Variants in SLC49A3 observed in about 807,000 individuals in gnomAD.
SLC49A3 encodes solute carrier family 49 member A3.
Under a neutral mutation model 43.8 loss-of-function variants are expected in SLC49A3, and 50 were observed. That is an observed-to-expected ratio of 1.14 (90% CI 0.91 to 1.45). SLC49A3 has a LOEUF of 1.45. SLC49A3 is among the 40% of genes most tolerant of loss of function. The probability of loss-of-function intolerance (pLI) is 0.00; values close to 1 mark genes in which losing one functional copy is unlikely to be tolerated. For synonymous variants in SLC49A3, 413 were observed against 352.0 expected, an observed-to-expected ratio of 1.17 and a Z score of -1.94; for missense variants, 906 against 774.1, an observed-to-expected ratio of 1.17 and a Z score of -2.02.
Position 684,497 on chromosome 4 carries a change from T to C in SLC49A3, c.826A>G (p.Ser276Gly). 1.2e-6 allele frequency: 2 copies of C among 1,612,934 alleles called. No individual in the cohort carries two copies. Among genetic ancestry groups the C allele is most frequent in the Non-Finnish European group, 8.5e-7 (1 of 1,179,898 alleles). Residue 276 changes from serine (S) to glycine (G), a missense_variant, in exon 6 of 10, where the codon AGC (serine) becomes GGC (glycine). Physicochemically the swap from Ser to Gly is moderately conservative, Grantham distance 56 (BLOSUM62 0). Coordinates refer to ENST00000322224, the MANE Select transcript of SLC49A3 (RefSeq NM_032219.4). ...SALLEQILCASGHSSGFSGLC... is the reference protein window; with the variant it reads ...SALLEQILCAGGHSSGFSGLC... ...GCCAGGCTCACACTGGAGTGGCCGC[T>C]TGCACAGAGGATCTGCTCCAGGAGG... is the stretch of plus-strand genomic sequence containing the variant.
At chr4:679,108 G>C, downstream of SLC49A3, 1 of 1,265,342 alleles carries the variant, frequency 7.9e-7, no homozygotes. Flanking sequence ...CAGACGCCGC[G>C]GCCCCTCCTC....
At chr4:683,985 C>A (rs1242888267) in intron 6 of SLC49A3, among the ~76,000 whole-genome samples, 2 of 152,196 alleles carry the variant, frequency 1.3e-5, no homozygotes, top group African/African-American at 2.4e-5. Flanking sequence ...AAGAGCCTGT[C>A]TCCACAGAGG....
chr4:681,803 G>A (rs1269283674), downstream of SLC49A3: 3 of 1,242,302 alleles, frequency 2.4e-6, no homozygotes, highest in Non-Finnish European at 3.0e-6. Context: ...CCCCTCCCGC[G>A]GCGCAGAAAC....
At position 684,777 on chromosome 4, in the gene SLC49A3, G is replaced by T. The variant is rs767970312; in HGVS notation, c.665C>A (p.Pro222Gln). ...GGAGCTGGCAGCCCCGGCAGAGGGC[G>T]GGGTGGGGGGCACACTCTCCCACAG... ...ICLWESVPPT[P>Q]PSAGAASSTS... Residue 222 changes from proline (P) to glutamine (Q), a missense_variant, in exon 5 of 10, where the codon CCG (proline) becomes CAG (glutamine). Transcript: ENST00000322224. 2 of 1,612,480 alleles carry T rather than the reference G, an allele frequency of 1.2e-6. No individual in the cohort carries two copies. Among genetic ancestry groups the T allele is most frequent in the East Asian group, 4.5e-5 (2 of 44,878 alleles).
intron 1 of SLC49A3, among the ~76,000 whole-genome samples, chr4:688,383 C>T (rs1741464258): frequency 6.6e-6 from 1 of 152,174 alleles, no homozygotes; most frequent in Non-Finnish European, 1.5e-5. Context: ...CCTGACCATC[C>T]CCGTGACCTG....
downstream of SLC49A3, among the ~76,000 whole-genome samples, chr4:677,500 G>T (rs745454328): frequency 1.3e-5 from 2 of 152,332 alleles, no homozygotes; most frequent in East Asian, 3.9e-4. Context: ...GTCAGACGGG[G>T]TGGTCCCAGG....
At chr4:677,088 C>A (rs1370585533), downstream of SLC49A3, among the ~76,000 whole-genome samples, 1 of 152,228 alleles carries the variant, frequency 6.6e-6, no homozygotes, top group Non-Finnish European at 1.5e-5. Flanking sequence ...GTCACTCCCA[C>A]CACTGCCCCT....
At chr4:678,572 CTGAGT>C, downstream of SLC49A3, 1 of 1,520,766 alleles carries the variant, frequency 6.6e-7, no homozygotes. Context: ...CACCCTTCAT[CTGAGT>C]TAAGTCTCTC....
rs1740874072 is a variant in SLC49A3 at position 685,756 on chromosome 4, A to G, written c.585+79T>C. On this transcript the variant is annotated intron_variant, in intron 4 of 9. Transcript: ENST00000322224. The surrounding 1 kb of genome is among the most constrained non-coding windows in gnomAD (Gnocchi z 4.3). ...CACACACGGGCACAGGAACACGGAC[A>G]CACTTGGGATCAGGAACACACAGAC... 6.8e-7 allele frequency: 1 copy of G among 1,462,294 alleles called. No homozygotes were observed. Among genetic ancestry groups the G allele is most frequent in the Non-Finnish European group, 9.5e-7 (1 of 1,048,232 alleles). The allele number at this position is 1,462,294 out of a possible 1,614,324, so 90.6% of individuals were successfully genotyped here.
chr4:684,379 C>T (rs1740547220), intron 6 of SLC49A3, 104 bp downstream of exon 6: 7 of 1,497,816 alleles, frequency 4.7e-6, no homozygotes, highest in Middle Eastern at 1.8e-4. Context: ...TCAATGTGGC[C>T]CCCGCCAGGG....
chr4:678,384 G>A, downstream of SLC49A3: 1 of 1,414,660 alleles, frequency 7.1e-7, no homozygotes, highest in Non-Finnish European at 9.2e-7. Context: ...GGCTCCTGCT[G>A]GACGGCGATC....
chr4:678,733 T>C (rs1419413320), downstream of SLC49A3: 1 of 1,611,960 alleles, frequency 6.2e-7, no homozygotes, highest in Non-Finnish European at 8.5e-7. Context: ...CTTCTCCAAC[T>C]TTGAGCAGAC....
downstream of SLC49A3, chr4:681,140 G>C (rs1463306583): frequency 1.2e-6 from 2 of 1,604,600 alleles, no homozygotes; most frequent in Non-Finnish European, 1.7e-6. Context: ...CGGCGGAAGA[G>C]GTCTGGCCCG....
chr4:680,904 G>C, downstream of SLC49A3: 1 of 686,916 alleles, frequency 1.5e-6, no homozygotes, highest in Non-Finnish European at 2.5e-6. Flanking sequence ...CCCCATCAGC[G>C]GCTCCCCCAG....
At chr4:677,632 A>C (rs1280330048), downstream of SLC49A3, among the ~76,000 whole-genome samples, 1 of 152,204 alleles carries the variant, frequency 6.6e-6, no homozygotes, top group African/African-American at 2.4e-5. Context: ...AGCGTTGTGC[A>C]AATCTAGAAA....
rs561400044 is a variant in SLC49A3 at position 682,971 on chromosome 4, G to A, written c.1152-81C>T. Reference sequence around the variant, plus strand: ...TGCCACCTTGGGAAATGTTGACATCGGTGCTGTCCCTTGTGCCACCACCCT... The same window carrying A: ...TGCCACCTTGGGAAATGTTGACATCAGTGCTGTCCCTTGTGCCACCACCCT... On this transcript the variant is annotated intron_variant, in intron 8 of 9. Coordinates refer to ENST00000322224, the MANE Select transcript of SLC49A3 (RefSeq NM_032219.4). The A allele has an allele frequency of 6.2e-5, 80 of 1,290,870 alleles. No homozygotes were observed. The East Asian group carries it at 1.4e-3, about 23-fold the overall frequency. The allele number at this position is 1,290,870 out of a possible 1,614,324, so 80.0% of individuals were successfully genotyped here.
chr4:682,114 G>C lies in SLC49A3; in HGVS notation c.1524C>G (p.His508Gln). ...GGGGAGTCGCTCGGTGGCAGGCTGG[G>C]TGGGGGCTCCCGGGCCCTCTGGGGT... is the stretch of plus-strand genomic sequence containing the variant. ...LEDPRGPGSP[H>Q]PACHRATPRA... The change falls in exon 10 of 10, where the codon CAC becomes CAG. Residue 508 changes from histidine (H) to glutamine (Q), a missense_variant. His to Gln is a conservative substitution (Grantham distance 24, BLOSUM62 0). Coordinates refer to ENST00000322224, the MANE Select transcript of SLC49A3 (RefSeq NM_032219.4). 2.2e-6 allele frequency: 3 copies of C among 1,363,080 alleles called. No individual in the cohort carries two copies. Among genetic ancestry groups the C allele is most frequent in the Non-Finnish European group, 2.9e-6 (3 of 1,046,226 alleles). 84.4% of individuals were successfully genotyped at this position (1,363,080 alleles called of 1,614,324 possible).
At chr4:690,503 C>T (rs769214487), upstream of SLC49A3, among the ~76,000 whole-genome samples, 3 of 152,202 alleles carry the variant, frequency 2.0e-5, no homozygotes, top group Non-Finnish European at 4.4e-5. Flanking sequence ...AGTCCAGTGC[C>T]AATGTTGGCC....
At chr4:678,616 T>C (rs748623417), downstream of SLC49A3, 4 of 1,571,696 alleles carry the variant, frequency 2.5e-6, no homozygotes, top group South Asian at 4.6e-5. Flanking sequence ...GAGGGTTTCG[T>C]CAGCCAGCCC....
Sources: allele counts gnomAD v4.1 joint callset (sites outside exome capture counted in the v4.1 genomes callset), GRCh38; gene constraint gnomAD v4.1.1; non-coding constraint Gnocchi (gnomAD v3.1); transcripts MANE v1.5; gene names NCBI Gene and HGNC (gene_info 2026-07-23, HGNC 2026-07-21).